MMP16: variants seen among roughly 807,000 people sequenced by gnomAD.
The protein encoded by MMP16 is matrix metalloproteinase-16.
In MMP16, 12 loss-of-function variants were observed where a neutral mutation model predicts 67.8. That is an observed-to-expected ratio of 0.18 (90% CI 0.11 to 0.29). The LOEUF (loss-of-function observed/expected upper bound fraction) is 0.29, where lower values mean the gene tolerates loss of function less well. MMP16 is among the 10% of genes least tolerant of loss of function. The pLI, the probability that MMP16 is intolerant of heterozygous loss-of-function variation, is 1.00. For missense variants in MMP16, 475 were observed against 765.7 expected, an observed-to-expected ratio of 0.62 and a Z score of 4.48; for synonymous variants, 249 against 255.9, an observed-to-expected ratio of 0.97 and a Z score of 0.26.
chr8:88,304,769 G>T (rs1316797933), intron 1 of MMP16, among the ~76,000 whole-genome samples: 1 of 152,164 alleles, frequency 6.6e-6, no homozygotes, highest in Non-Finnish European at 1.5e-5. Context: ...TCATCATGAG[G>T]CCTGCCTCAC....
At chr8:88,051,172 C>T (rs1808265212) in intron 8 of MMP16, among the ~76,000 whole-genome samples, 1 of 152,112 alleles carries the variant, frequency 6.6e-6, no homozygotes, top group Non-Finnish European at 1.5e-5. Flanking sequence ...GGTGCTGAGG[C>T]TTACTCATAA....
chr8:88,091,584 G>A (rs1808937810), intron 6 of MMP16, among the ~76,000 whole-genome samples: 1 of 151,314 alleles, frequency 6.6e-6, no homozygotes. Context: ...CACACACACA[G>A]GTTTAAGATA....
chr8:88,163,829 T>G (rs1808669873), intron 4 of MMP16, among the ~76,000 whole-genome samples: 1 of 152,142 alleles, frequency 6.6e-6, no homozygotes, highest in Admixed American at 6.6e-5. Flanking sequence ...TTTTCTATTT[T>G]GAATTAATTT....
At chr8:88,157,229 CTT>C (rs555396117) in intron 4 of MMP16, among the ~76,000 whole-genome samples, 1 of 152,144 alleles carries the variant, frequency 6.6e-6, no homozygotes, top group Non-Finnish European at 1.5e-5. Flanking sequence ...TGTACAGACT[CTT>C]TAACTCTTGC....
At chr8:88,249,227 T>C (rs759838877) in intron 1 of MMP16, among the ~76,000 whole-genome samples, 15 of 151,876 alleles carry the variant, frequency 9.9e-5, no homozygotes, top group Admixed American at 3.9e-4. Flanking sequence ...AAAAGAATTA[T>C]ATCTGATGGA....
chr8:88,139,554 T>G (rs746151816), intron 4 of MMP16, among the ~76,000 whole-genome samples: 2 of 152,164 alleles, frequency 1.3e-5, no homozygotes, highest in Non-Finnish European at 2.9e-5. Flanking sequence ...ACGTATTTAT[T>G]GACTTTCTTT....
intron 3 of MMP16, among the ~76,000 whole-genome samples, chr8:88,173,874 GACTTAAT>G (rs1050057357): frequency 7.9e-5 from 12 of 152,156 alleles, no homozygotes; most frequent in Non-Finnish European, 1.5e-5. Flanking sequence ...AGGCAGGGCA[GACTTAAT>G]TAAGTACATA....
intron 6 of MMP16, 116 bp from the exon 7 acceptor site, chr8:88,074,859 T>G: frequency 7.6e-7 from 1 of 1,319,048 alleles, no homozygotes; most frequent in East Asian, 2.4e-5. Context: ...TGTCTTACAT[T>G]AAATCAGTCA....
intron 4 of MMP16, among the ~76,000 whole-genome samples, chr8:88,133,745 CATT>C (rs1808072064): frequency 6.6e-6 from 1 of 151,684 alleles, no homozygotes; most frequent in African/African-American, 2.4e-5. Flanking sequence ...ATGTGACAGA[CATT>C]ATTAAAATTT....
At chr8:88,048,130 C>T (rs1808222325) in intron 8 of MMP16, among the ~76,000 whole-genome samples, 3 of 152,170 alleles carry the variant, frequency 2.0e-5, no homozygotes, top group African/African-American at 7.2e-5. Context: ...GGAACCATGA[C>T]TTTGGTGTTA....
chr8:88,276,938 T>A (rs1488965519), intron 1 of MMP16, among the ~76,000 whole-genome samples: 1 of 152,176 alleles, frequency 6.6e-6, no homozygotes, highest in Non-Finnish European at 1.5e-5. Flanking sequence ...AATAATACAC[T>A]AAACTACAAT....
intron 1 of MMP16, among the ~76,000 whole-genome samples, chr8:88,290,644 C>T (rs1810912790): frequency 6.6e-6 from 1 of 152,108 alleles, no homozygotes; most frequent in African/African-American, 2.4e-5. Flanking sequence ...GTGATGCGAT[C>T]ATGGCTTACT....
intron 1 of MMP16, among the ~76,000 whole-genome samples, chr8:88,239,982 CCTTTAATG>C (rs1290211433): frequency 6.6e-6 from 1 of 152,194 alleles, no homozygotes; most frequent in Non-Finnish European, 1.5e-5. Flanking sequence ...TACCCTTTAG[CCTTTAATG>C]CTGCCGGCCT....
At chr8:88,076,117 A>C (rs1281549292) in intron 6 of MMP16, among the ~76,000 whole-genome samples, 1 of 151,970 alleles carries the variant, frequency 6.6e-6, no homozygotes, top group Non-Finnish European at 1.5e-5. Context: ...CTTCTCTACC[A>C]ACTTCTGTTA....
chr8:88,062,671 T>G (rs1432786389), intron 7 of MMP16, among the ~76,000 whole-genome samples: 7 of 144,724 alleles, frequency 4.8e-5, no homozygotes, highest in South Asian at 2.2e-4. Context: ...GTGGGGGGAG[T>G]GGGGAGGGAT....
intron 1 of MMP16, among the ~76,000 whole-genome samples, chr8:88,203,532 T>C (rs1041584994): frequency 6.6e-6 from 1 of 152,144 alleles, no homozygotes; most frequent in Non-Finnish European, 1.5e-5. Flanking sequence ...ACTTCATACA[T>C]TCATCACCAC....
At chr8:88,327,054 A>C (rs778933485) in intron 1 of MMP16, 21 bp downstream of exon 1, 1 of 1,613,046 alleles carries the variant, frequency 6.2e-7, no homozygotes. Flanking sequence ...GGGGGGAGGA[A>C]GAAAGCCCTC....
At chr8:88,162,891 T>A (rs1808652512) in intron 4 of MMP16, among the ~76,000 whole-genome samples, 1 of 152,078 alleles carries the variant, frequency 6.6e-6, no homozygotes, top group Admixed American at 6.6e-5. Flanking sequence ...CATGTAGAAC[T>A]GTGAGTCAAT....
chr8:88,220,815 T>C (rs1809670637), intron 1 of MMP16, among the ~76,000 whole-genome samples: 1 of 152,144 alleles, frequency 6.6e-6, no homozygotes. Flanking sequence ...GATATCAATT[T>C]TTTATATAAG....
Sources: allele counts gnomAD v4.1 joint callset (sites outside exome capture counted in the v4.1 genomes callset), GRCh38; gene constraint gnomAD v4.1.1; transcripts MANE v1.5; gene names NCBI Gene and HGNC (gene_info 2026-07-23, HGNC 2026-07-21).